GABRG3: variants seen among roughly 807,000 people sequenced by gnomAD.
GABRG3 encodes the protein gamma-aminobutyric acid type A receptor subunit gamma3, also known as gamma-aminobutyric acid receptor subunit gamma-3.
In GABRG3, 25 loss-of-function variants were observed where a neutral mutation model predicts 48.8. The ratio of observed to expected loss-of-function variants is 0.51; its 90% CI spans 0.37 to 0.72. The LOEUF is 0.72. GABRG3 is among the 30% of genes least tolerant of loss of function. The pLI is 0.00. For missense variants in GABRG3, 394 were observed against 577.9 expected, an observed-to-expected ratio of 0.68 and a Z score of 3.26; for synonymous variants, 227 against 217.6, an observed-to-expected ratio of 1.04 and a Z score of -0.38.
At chr15:27,074,359 G>A (rs1359336018) in intron 3 of GABRG3, among the ~76,000 whole-genome samples, 1 of 152,124 alleles carries the variant, frequency 6.6e-6, no homozygotes, top group Non-Finnish European at 1.5e-5. Context: ...GAGTGTTCCA[G>A]CAAGGTGGAT....
chr15:27,128,700 A>T (rs1897864308), intron 3 of GABRG3, among the ~76,000 whole-genome samples: 1 of 152,236 alleles, frequency 6.6e-6, no homozygotes, highest in Non-Finnish European at 1.5e-5. Flanking sequence ...AAGAAGGCAG[A>T]GATAGAAAGC....
rs1369842103 is a variant in GABRG3, at chr15:27,447,651, C to T, written c.575-32999C>T. 6.6e-6 allele frequency among the ~76,000 whole-genome samples: 1 copy of T among 152,144 alleles called. No individual in the cohort carries two copies. The highest frequency in any genetic ancestry group is 1.5e-5 in the Non-Finnish European group (1 of 68,020). On this transcript the variant is annotated intron_variant, in intron 5 of 9. Transcript: ENST00000615808. This position sits in a 1 kb window ranked among gnomAD's most constrained non-coding sequence, Gnocchi z 4.0. The stretch of plus-strand genomic sequence containing the variant: ...ATAAAGAAAACATGGCACATATACA[C>T]TGTGGAATACTATGCAGCCATAAAA...
Position 27,142,366 on chromosome 15 carries a change from A to G in GABRG3, c.270+115545A>G, listed in dbSNP as rs76786673. Among the ~76,000 whole-genome samples, 109 of 152,326 alleles carry G rather than the reference A, an allele frequency of 7.2e-4. 1 individual carries two copies. In the East Asian group the frequency reaches 0.014, roughly 19 times the overall value. On this transcript the variant is annotated intron_variant, in intron 3 of 9. Transcript: ENST00000615808. ...AGCCTCACAATCATGGCAGAAGGCAAGGAGGATCGAGTCCCATCTTACATG... is the reference window on the plus strand; with the variant it reads ...AGCCTCACAATCATGGCAGAAGGCAGGGAGGATCGAGTCCCATCTTACATG...
intron 5 of GABRG3, among the ~76,000 whole-genome samples, chr15:27,351,250 T>TTG (rs370483038): frequency 0.072 from 10,050 of 138,968 alleles, 914 homozygotes; most frequent in African/African-American, 0.22. Context: ...TGTATGGTGT[T>TTG]TGTGTGTATG....
chr15:27,142,349 A>C (rs1035496750), intron 3 of GABRG3, among the ~76,000 whole-genome samples: 1 of 152,216 alleles, frequency 6.6e-6, no homozygotes, highest in Non-Finnish European at 1.5e-5. Context: ...TAAGCCTCAC[A>C]ATCATGGCAG....
chr15:27,391,666 T>A (rs775032842), intron 5 of GABRG3, among the ~76,000 whole-genome samples: 7 of 152,174 alleles, frequency 4.6e-5, no homozygotes, highest in Non-Finnish European at 1.0e-4. Context: ...CAGAGGATTG[T>A]TATGAGGAAA....
intron 3 of GABRG3, among the ~76,000 whole-genome samples, chr15:27,085,027 C>T (rs1486128785): frequency 1.3e-5 from 2 of 152,200 alleles, no homozygotes; most frequent in Non-Finnish European, 2.9e-5. Flanking sequence ...TGACTTTTGG[C>T]AGTATTCGTC....
intron 5 of GABRG3, among the ~76,000 whole-genome samples, chr15:27,461,602 A>C (rs967524059): frequency 6.6e-6 from 1 of 152,058 alleles, no homozygotes. Flanking sequence ...TTATTCCCTT[A>C]TTTGGCCCCA....
chr15:27,492,635 G>A (rs1890383406), intron 6 of GABRG3, among the ~76,000 whole-genome samples: 1 of 152,230 alleles, frequency 6.6e-6, no homozygotes. Context: ...ATTCCATGCA[G>A]TGATATTGTT....
At chr15:27,022,794 T>C (rs1230483077) in intron 2 of GABRG3, among the ~76,000 whole-genome samples, 4 of 152,092 alleles carry the variant, frequency 2.6e-5, no homozygotes, top group African/African-American at 9.7e-5. Context: ...ATAGTTCAAA[T>C]AGCCCTCCAC....
chr15:27,304,409 TA>T (rs574251822), intron 3 of GABRG3, among the ~76,000 whole-genome samples: 97 of 152,096 alleles, frequency 6.4e-4, no homozygotes, highest in Middle Eastern at 3.4e-3. Context: ...TTTATTTTTT[TA>T]AAAAAATCAA....
intron 9 of GABRG3, among the ~76,000 whole-genome samples, chr15:27,529,690 C>T (rs555405135): frequency 6.6e-6 from 1 of 152,016 alleles, no homozygotes; most frequent in Non-Finnish European, 1.5e-5. Context: ...ATTTTGCCAA[C>T]AAATGCTTCC....
At chr15:27,506,402 A>G (rs1387071837) in intron 6 of GABRG3, among the ~76,000 whole-genome samples, 1 of 152,204 alleles carries the variant, frequency 6.6e-6, no homozygotes, top group African/African-American at 2.4e-5. Context: ...AGAATTGGAT[A>G]TGGTCTTGCT....
chr15:27,071,830 C>G (rs1478016505), intron 3 of GABRG3, among the ~76,000 whole-genome samples: 1 of 152,202 alleles, frequency 6.6e-6, no homozygotes, highest in Non-Finnish European at 1.5e-5. Context: ...AGATTGTATT[C>G]AAGCGTACTA....
At chr15:27,296,138 T>G (rs1891975992) in intron 3 of GABRG3, among the ~76,000 whole-genome samples, 1 of 152,152 alleles carries the variant, frequency 6.6e-6, no homozygotes, top group Admixed American at 6.5e-5. Flanking sequence ...ACCTGCCTTA[T>G]GAGAAATACT....
intron 3 of GABRG3, among the ~76,000 whole-genome samples, chr15:27,027,972 A>C (rs2140683521): frequency 6.6e-6 from 1 of 152,358 alleles, no homozygotes; most frequent in Non-Finnish European, 1.5e-5. Flanking sequence ...CACTCAAAGA[A>C]GAAGTGCCTT....
intron 3 of GABRG3, among the ~76,000 whole-genome samples, chr15:27,210,764 G>A (rs1455688490): frequency 6.6e-6 from 1 of 152,194 alleles, no homozygotes; most frequent in Non-Finnish European, 1.5e-5. Flanking sequence ...GAAGATTCGA[G>A]CAGGCCCCTT....
At chr15:27,483,465 A>G (rs747643514) in intron 6 of GABRG3, among the ~76,000 whole-genome samples, 6 of 152,196 alleles carry the variant, frequency 3.9e-5, no homozygotes, top group Non-Finnish European at 8.8e-5. Flanking sequence ...AGATAAGGTC[A>G]TGTTCACAGG....
intron 5 of GABRG3, among the ~76,000 whole-genome samples, chr15:27,440,659 A>G (rs1888756942): frequency 6.6e-6 from 1 of 152,324 alleles, no homozygotes; most frequent in South Asian, 2.1e-4. Context: ...TAATCCTTGT[A>G]TCACACCGAT....
Sources: allele counts gnomAD v4.1 joint callset (sites outside exome capture counted in the v4.1 genomes callset), GRCh38; gene constraint gnomAD v4.1.1; non-coding constraint Gnocchi (gnomAD v3.1); transcripts MANE v1.5; gene names NCBI Gene and HGNC (gene_info 2026-07-23, HGNC 2026-07-21).